Variants in CAMK2B observed in about 807,000 individuals in gnomAD.
The protein encoded by CAMK2B is calcium/calmodulin-dependent protein kinase type II subunit beta.
Under a neutral mutation model 93.7 loss-of-function variants are expected in CAMK2B, and 27 were observed. The ratio of observed to expected loss-of-function variants is 0.29; its 90% confidence interval spans 0.21 to 0.40. The LOEUF is 0.40. Among genes scored for constraint, CAMK2B ranks in the 10% least tolerant of loss-of-function variants. The pLI is 1.00. For synonymous variants in CAMK2B, 374 were observed against 358.8 expected (o/e 1.04, Z -0.48); for missense variants, 568 against 895.8 (o/e 0.63, Z 4.67).
Position 44,229,109 on chromosome 7 carries a change from C to T in CAMK2B, c.1340-185G>A, listed in dbSNP as rs1207821195. The T allele has an allele frequency of 1.3e-5, 9 of 678,098 alleles. No homozygotes were observed. In the East Asian group the frequency reaches 2.2e-4, roughly 17 times the overall value. The allele number at this position is 678,098 out of a possible 1,614,324, so 42.0% of individuals were successfully genotyped here. A position where few individuals can be genotyped will look rare whatever the true frequency, so the allele number is the denominator to read the frequency against. ...GCCCGCAAGCTGAGGTGGAGTGAGGCCTGCACCGACCCTGAAGACTGGAAT... is the reference window on the plus strand; with the variant it reads ...GCCCGCAAGCTGAGGTGGAGTGAGGTCTGCACCGACCCTGAAGACTGGAAT... On this transcript the variant is annotated intron_variant, in intron 18 of 23. Coordinates refer to ENST00000395749, the MANE Select transcript of CAMK2B (RefSeq NM_001220.5).
chr7:44,278,715 C>T (rs1421181538), intron 2 of CAMK2B, among the ~76,000 whole-genome samples: 1 of 152,220 alleles, frequency 6.6e-6, no homozygotes, highest in Non-Finnish European at 1.5e-5. Context: ...AGCGCTGTCA[C>T]CGCCCACCCC....
chr7:44,269,555 T>TG (rs548954781), intron 2 of CAMK2B, among the ~76,000 whole-genome samples: 69 of 149,458 alleles, frequency 4.6e-4, no homozygotes, highest in African/African-American at 1.7e-3. Context: ...CAGCAGGGGG[T>TG]GGGGGGTGGT....
chr7:44,261,977 C>T (rs763698710), intron 3 of CAMK2B, among the ~76,000 whole-genome samples: 13 of 152,204 alleles, frequency 8.5e-5, no homozygotes, highest in East Asian at 1.9e-4. Context: ...TGCAGCCTGG[C>T]CCCGGGCCCT....
intron 18 of CAMK2B, 52 bp downstream of exon 18, chr7:44,229,336 G>A (rs1263059544): frequency 1.5e-6 from 2 of 1,299,386 alleles, no homozygotes; most frequent in Non-Finnish European, 2.1e-6. Flanking sequence ...CCTCTAGGGG[G>A]TTGCCAGCCC....
At chr7:44,241,647 A>C (rs2096680040) in intron 11 of CAMK2B, 53 bp downstream of exon 11, 1 of 1,437,614 alleles carries the variant, frequency 7.0e-7, no homozygotes, top group African/African-American at 1.4e-5. Flanking sequence ...GCTCCAGCCC[A>C]GAGGGACACA....
intron 2 of CAMK2B, among the ~76,000 whole-genome samples, chr7:44,264,228 T>C (rs1302401904): frequency 6.6e-6 from 1 of 152,166 alleles, no homozygotes; most frequent in African/African-American, 2.4e-5. Context: ...AGGCTGCAAC[T>C]TCACAATCAT....
At chr7:44,237,598 G>T (rs1332713015) in intron 13 of CAMK2B, among the ~76,000 whole-genome samples, 2 of 152,196 alleles carry the variant, frequency 1.3e-5, no homozygotes, top group Admixed American at 1.3e-4. Flanking sequence ...CCATTTTTTG[G>T]GGGGCTGCTC....
At chr7:44,232,709 G>T in intron 16 of CAMK2B, 113 bp downstream of exon 16, 2 of 897,760 alleles carry the variant, frequency 2.2e-6, no homozygotes, top group Non-Finnish European at 3.3e-6. Flanking sequence ...GGGAGGGGCG[G>T]CCAGGGCATG....
intron 1 of CAMK2B, among the ~76,000 whole-genome samples, chr7:44,301,732 G>A (rs372506614): frequency 7.9e-5 from 12 of 151,814 alleles, no homozygotes; most frequent in Admixed American, 1.3e-4. Flanking sequence ...AGCCGAGATC[G>A]CGCCACTGCA....
In CAMK2B at chr7:44,231,069, G is replaced by A. The variant is rs1199635352; in HGVS notation, c.1177-15C>T. On this transcript the variant is annotated splice_polypyrimidine_tract_variant and intron_variant, in intron 16 of 23. Coordinates refer to ENST00000395749, the MANE Select transcript of CAMK2B (RefSeq NM_001220.5). ...TCAGAAGACTCCTGAGGAAACACGG[G>A]AGGCAGCGGGTCAGGATGCGGCCAA... The A allele has an allele frequency of 1.9e-6, 3 of 1,552,816 alleles. No individual in the cohort carries two copies. The highest frequency in any genetic ancestry group is 1.7e-4 in the Middle Eastern group (1 of 5,990).
rs547456838 is a variant in CAMK2B, at chr7:44,261,487, C to T, written c.220+1518G>A. On this transcript the variant is annotated intron_variant, in intron 3 of 23. Transcript: ENST00000395749. ...TGCCCCTGCCCTCAGGCACCCACCTCCCCATGCAGGCCTGGTGGGGTGGGG... is the reference window on the plus strand; with the variant it reads ...TGCCCCTGCCCTCAGGCACCCACCTTCCCATGCAGGCCTGGTGGGGTGGGG... Among the ~76,000 whole-genome samples the T allele has an allele frequency of 2.6e-5, 4 of 152,124 alleles. No homozygotes were observed. In the East Asian group the frequency reaches 7.7e-4, roughly 29 times the overall value.
intron 5 of CAMK2B, among the ~76,000 whole-genome samples, chr7:44,249,137 A>G (rs895252331): frequency 6.6e-6 from 1 of 152,014 alleles, no homozygotes; most frequent in African/African-American, 2.4e-5. Flanking sequence ...TCTACTTCCC[A>G]TGCTGCCCTC....
intron 17 of CAMK2B, among the ~76,000 whole-genome samples, chr7:44,230,586 A>C (rs1032024568): frequency 1.3e-5 from 2 of 152,204 alleles, no homozygotes; most frequent in African/African-American, 4.8e-5. Context: ...AGCAAAGGCA[A>C]ACACGGAAAC....
intron 1 of CAMK2B, among the ~76,000 whole-genome samples, chr7:44,323,066 C>G (rs1796520575): frequency 6.6e-6 from 1 of 152,256 alleles, no homozygotes; most frequent in Non-Finnish European, 1.5e-5. Flanking sequence ...GTGCCCTGCT[C>G]TGCCCTCCCA....
intron 13 of CAMK2B, among the ~76,000 whole-genome samples, 194 bp downstream of exon 13, chr7:44,239,395 G>T (rs1238672280): frequency 6.6e-6 from 1 of 152,228 alleles, no homozygotes. Context: ...CAGGCGAGGA[G>T]CCTTGGGGGC....
chr7:44,294,616 A>G (rs938056931), intron 1 of CAMK2B, among the ~76,000 whole-genome samples: 5 of 152,148 alleles, frequency 3.3e-5, no homozygotes, highest in Non-Finnish European at 7.4e-5. Flanking sequence ...CTGGCCCTGG[A>G]TCAGTCCCTC....
chr7:44,312,060 G>A lies in CAMK2B; in HGVS notation c.65+13297C>T, dbSNP rs1341830419. Among the ~76,000 whole-genome samples, 3 of 152,204 alleles carry A rather than the reference G, an allele frequency of 2.0e-5. No homozygotes were observed. The highest frequency in any genetic ancestry group is 4.4e-5 in the Non-Finnish European group (3 of 68,026). ...GAGCCCCAGTGTGTGCTTCCTGCTGGTGATGCCCCCATGGGTGACCAAGGC... is the reference window on the plus strand; with the variant it reads ...GAGCCCCAGTGTGTGCTTCCTGCTGATGATGCCCCCATGGGTGACCAAGGC... On this transcript the variant is annotated intron_variant, in intron 1 of 23. Transcript: ENST00000395749. The surrounding 1 kb of genome is among the most constrained non-coding windows in gnomAD (Gnocchi z 4.1).
intron 12 of CAMK2B, among the ~76,000 whole-genome samples, chr7:44,240,064 G>T (rs1015636811): frequency 6.6e-6 from 1 of 152,158 alleles, no homozygotes. Context: ...GATCACAGAC[G>T]CTCGCACACG....
chr7:44,233,432 G>A (rs370463713), intron 15 of CAMK2B, among the ~76,000 whole-genome samples: 96 of 152,216 alleles, frequency 6.3e-4, no homozygotes, highest in East Asian at 2.3e-3. Context: ...TCCCAGGACC[G>A]CTCTCCTCTC....
Sources: allele counts gnomAD v4.1 joint callset (sites outside exome capture counted in the v4.1 genomes callset), GRCh38; gene constraint gnomAD v4.1.1; non-coding constraint Gnocchi (gnomAD v3.1); transcripts MANE v1.5; gene names NCBI Gene and HGNC (gene_info 2026-07-23, HGNC 2026-07-21).